Variants in NBEA observed in about 807,000 individuals in gnomAD.
NBEA encodes the protein lysosomal-trafficking regulator 2.
Under a neutral mutation model 343.4 loss-of-function variants are expected in NBEA, and 44 were observed. The observed-to-expected ratio is 0.13, with a 90% CI of 0.10 to 0.16. The LOEUF is 0.16. NBEA is among the 10% of genes least tolerant of loss of function. The probability of loss-of-function intolerance (pLI) is 1.00; values close to 1 mark genes in which losing one functional copy is unlikely to be tolerated. For missense variants in NBEA, 2,555 were observed against 3,631.3 expected (o/e 0.70, Z 7.62); for synonymous variants, 1,175 against 1,238.7 (o/e 0.95, Z 1.08).
At chr13:35,076,513 A>G (rs2064125277) in intron 10 of NBEA, among the ~76,000 whole-genome samples, 1 of 152,054 alleles carries the variant, frequency 6.6e-6, no homozygotes, top group African/African-American at 2.4e-5. Flanking sequence ...ATTTAGCGAC[A>G]GCCACTTTCA....
At chr13:35,649,993 A>G (rs1045070642) in intron 52 of NBEA, 146 bp downstream of exon 52, 21 of 822,352 alleles carry the variant, frequency 2.6e-5, no homozygotes, top group Non-Finnish European at 3.7e-5. Flanking sequence ...AAATCCAACT[A>G]AGGGACTTCT....
At chr13:35,629,364 A>G (rs1382023822) in intron 49 of NBEA, among the ~76,000 whole-genome samples, 4 of 152,200 alleles carry the variant, frequency 2.6e-5, no homozygotes, top group Admixed American at 2.6e-4. Flanking sequence ...GCTCTACAGA[A>G]AAATTTGCAT....
chr13:35,044,602 T>TGG (rs1307685740), intron 2 of NBEA, among the ~76,000 whole-genome samples: 104 of 107,654 alleles, frequency 9.7e-4, no homozygotes, highest in African/African-American at 3.0e-3. Context: ...GGCTGTGTTG[T>TGG]GGTGTGTGTG....
chr13:35,080,849 C>T (rs2064354752), intron 10 of NBEA, among the ~76,000 whole-genome samples: 1 of 151,918 alleles, frequency 6.6e-6, no homozygotes, highest in African/African-American at 2.4e-5. Flanking sequence ...AATATTTTTA[C>T]AGATGGAAAT....
At chr13:35,539,595 G>A (rs574552619) in intron 41 of NBEA, among the ~76,000 whole-genome samples, 6 of 152,122 alleles carry the variant, frequency 3.9e-5, no homozygotes, top group African/African-American at 1.2e-4. Context: ...TTTAAAAAAT[G>A]TTTGAAGCTA....
At position 35,164,349 on chromosome 13, in the gene NBEA, A is replaced by G. The variant is rs191075069; in HGVS notation, c.4080-7A>G. On this transcript the variant is annotated splice_polypyrimidine_tract_variant and splice_region_variant and intron_variant, in intron 23 of 58. Coordinates refer to ENST00000379939, the MANE Select transcript of NBEA (RefSeq NM_001385012.1). ...AAACATACTCATTTCTGTTTTCTGTATTTTAGCCATTCTACAAAGTCTGTA... is the reference window on the plus strand; with the variant it reads ...AAACATACTCATTTCTGTTTTCTGTGTTTTAGCCATTCTACAAAGTCTGTA... 3.8e-6 allele frequency: 6 copies of G among 1,569,752 alleles called. No homozygotes were observed. Among genetic ancestry groups the G allele is most frequent in the Non-Finnish European group, 5.2e-6 (6 of 1,155,758 alleles).
intron 36 of NBEA, among the ~76,000 whole-genome samples, chr13:35,332,834 A>C (rs930559284): frequency 6.6e-6 from 1 of 152,154 alleles, no homozygotes; most frequent in Admixed American, 6.6e-5. Flanking sequence ...GAATATTCAC[A>C]TTCTACATAG....
chr13:35,299,836 A>C (rs143068379), intron 35 of NBEA, among the ~76,000 whole-genome samples: 1 of 152,230 alleles, frequency 6.6e-6, no homozygotes, highest in Admixed American at 6.5e-5. Context: ...ATGAAATGAC[A>C]GTAAATTATT....
At chr13:35,576,537 T>A (rs920964567) in intron 45 of NBEA, among the ~76,000 whole-genome samples, 5 of 152,166 alleles carry the variant, frequency 3.3e-5, no homozygotes, top group Non-Finnish European at 7.3e-5. Context: ...TATTTCTGGG[T>A]CATATAATTC....
intron 34 of NBEA, among the ~76,000 whole-genome samples, chr13:35,242,435 T>G (rs1298869596): frequency 6.6e-6 from 1 of 151,586 alleles, no homozygotes; most frequent in African/African-American, 2.4e-5. Flanking sequence ...CAGACTAACA[T>G]AGGTATTATG....
intron 36 of NBEA, among the ~76,000 whole-genome samples, chr13:35,327,894 C>T (rs1213545248): frequency 1.3e-5 from 2 of 151,780 alleles, no homozygotes; most frequent in Admixed American, 1.3e-4. Context: ...AAAAAGTCAG[C>T]ATCTATTCCT....
intron 28 of NBEA, among the ~76,000 whole-genome samples, chr13:35,179,444 C>G (rs553423180): frequency 1.3e-5 from 2 of 151,148 alleles, no homozygotes; most frequent in East Asian, 3.9e-4. Context: ...TAGTCATTCC[C>G]CAGATGTTTA....
chr13:35,334,341 C>T (rs1423232068), intron 36 of NBEA, among the ~76,000 whole-genome samples: 3 of 152,158 alleles, frequency 2.0e-5, no homozygotes, highest in African/African-American at 7.2e-5. Context: ...ATGATCTTAG[C>T]TCACTGCACC....
Position 35,200,377 on chromosome 13 carries a change from G to GGT in NBEA, c.5366+4076_5366+4077dup, listed in dbSNP as rs1482175495. ...CATGCTTTTTATCTTTTGAGTGTTT[G>GGT]GTATATATATATATCTATGTTTTGG... is the stretch of plus-strand genomic sequence containing the variant. On this transcript the variant is annotated intron_variant, in intron 31 of 58. Transcript: ENST00000379939. Among the ~76,000 whole-genome samples, 6 of 147,858 alleles carry GGT rather than the reference G, an allele frequency of 4.1e-5. No homozygotes were observed. In the East Asian group the frequency reaches 1.2e-3, roughly 29 times the overall value.
chr13:35,623,381 C>CA (rs1243574538), intron 48 of NBEA, among the ~76,000 whole-genome samples: 2 of 152,002 alleles, frequency 1.3e-5, no homozygotes, highest in African/African-American at 4.8e-5. Flanking sequence ...GCTAATGTTC[C>CA]ATTCTTAGAT....
At position 35,625,612 on chromosome 13, in the gene NBEA, G is replaced by A. The variant is rs116522936; in HGVS notation, c.7450-2469G>A. On this transcript the variant is annotated intron_variant, in intron 48 of 58. Coordinates refer to ENST00000379939, the MANE Select transcript of NBEA (RefSeq NM_001385012.1). ...TGCACTCCACCCTGGGCCATAGAGT[G>A]AGATCCTGTCTAAAAAATAATAATA... is the stretch of plus-strand genomic sequence containing the variant. Among the ~76,000 whole-genome samples the A allele has an allele frequency of 5.4e-3, 821 of 152,034 alleles. 6 individuals are homozygous for A. The highest frequency in any genetic ancestry group is 0.019 in the African/African-American group (778 of 41,474).
chr13:34,942,857 G>A lies in NBEA; in HGVS notation c.37G>A (p.Glu13Lys), dbSNP rs769823845. Residue 13 changes from glutamate to lysine, a missense_variant, in exon 1 of 59, where the codon GAG becomes AAG. By Grantham distance (56) the Glu-to-Lys change is moderately conservative (BLOSUM62 1). Around this residue, in one of 21 missense-constraint regions of NBEA, gnomAD observed 122 missense variants for 91.0 expected, o/e 1.34. Transcript: ENST00000379939. ...SEKPGPGPGL[E>K]PQPVGLIAVG... is the part of the protein sequence containing the mutation. ...GAAGCCGGGCCCGGGCCCGGGGCTC[G>A]AGCCTCAGCCCGTGGGGCTCATTGC... 2.9e-6 allele frequency: 4 copies of A among 1,375,028 alleles called. No individual in the cohort carries two copies. The highest frequency in any genetic ancestry group is 3.8e-6 in the Non-Finnish European group (4 of 1,060,038). 85.2% of individuals were successfully genotyped at this position (1,375,028 alleles called of 1,614,324 possible).
chr13:35,418,472 G>C (rs568911738), intron 38 of NBEA, among the ~76,000 whole-genome samples: 7 of 151,982 alleles, frequency 4.6e-5, no homozygotes, highest in African/African-American at 1.7e-4. Context: ...AAGAACATAT[G>C]AGAATGAAAG....
At chr13:35,466,336 A>G (rs2075385708) in intron 40 of NBEA, among the ~76,000 whole-genome samples, 1 of 152,238 alleles carries the variant, frequency 6.6e-6, no homozygotes, top group South Asian at 2.1e-4. Flanking sequence ...TAGAATATTT[A>G]TAATGGATAG....
Sources: allele counts gnomAD v4.1 joint callset (sites outside exome capture counted in the v4.1 genomes callset), GRCh38; gene constraint gnomAD v4.1.1; regional missense constraint gnomAD v4.1.1; transcripts MANE v1.5; gene names NCBI Gene and HGNC (gene_info 2026-07-23, HGNC 2026-07-21).